Variants in IQCM observed in about 807,000 individuals in gnomAD.
The protein encoded by IQCM is IQ domain-containing protein M.
A neutral mutation model predicts 57.6 loss-of-function variants in IQCM; 45 were observed. The ratio of observed to expected loss-of-function variants is 0.78; its 90% CI spans 0.62 to 1.00. The LOEUF is 1.00. IQCM is among the 50% of genes least tolerant of loss of function. The pLI is 0.00. For synonymous variants in IQCM, 148 were observed against 158.9 expected (o/e 0.93, Z 0.51); for missense variants, 468 against 511.6 (o/e 0.91, Z 0.82).
intron 13 of IQCM, among the ~76,000 whole-genome samples, chr4:149,385,944 A>G (rs1378827655): frequency 6.6e-6 from 1 of 152,084 alleles, no homozygotes; most frequent in African/African-American, 2.4e-5. Flanking sequence ...CATTCCTTTC[A>G]TTCCCTTTCC....
At chr4:149,752,794 G>A (rs1193399848) in intron 2 of IQCM, among the ~76,000 whole-genome samples, 6 of 152,146 alleles carry the variant, frequency 3.9e-5, no homozygotes, top group Non-Finnish European at 8.8e-5. Flanking sequence ...GGGGATCACA[G>A]CGAGGCTCTG....
chr4:149,636,951 G>A (rs1757769777), intron 7 of IQCM, among the ~76,000 whole-genome samples: 1 of 151,488 alleles, frequency 6.6e-6, no homozygotes, highest in Admixed American at 6.6e-5. Flanking sequence ...AGACCATCCT[G>A]GCTAACAAGG....
At chr4:149,803,192 G>A (rs965651753) in intron 2 of IQCM, among the ~76,000 whole-genome samples, 1 of 151,746 alleles carries the variant, frequency 6.6e-6, no homozygotes, top group Admixed American at 6.6e-5. Context: ...GACATAGATC[G>A]TGTTCAAGAA....
intron 12 of IQCM, among the ~76,000 whole-genome samples, chr4:149,454,146 T>C (rs1486329348): frequency 2.0e-5 from 2 of 97,598 alleles, no homozygotes; most frequent in East Asian, 7.1e-4. Flanking sequence ...TAAGAAAATG[T>C]GATATATATA....
chr4:149,763,565 C>A lies in IQCM; in HGVS notation c.-48-20826G>T, dbSNP rs114642367. On this transcript the variant is annotated intron_variant, in intron 2 of 13. Coordinates refer to ENST00000636793, the MANE Select transcript of IQCM (RefSeq NM_001363507.2). Reference sequence around the variant, plus strand: ...AGCCCCCAGAGTATGACTGTTACTACGCTAAACCCTTTAATACATTATATT... The same window carrying A: ...AGCCCCCAGAGTATGACTGTTACTAAGCTAAACCCTTTAATACATTATATT... 9.8e-3 allele frequency among the ~76,000 whole-genome samples: 1,494 copies of A among 152,190 alleles called. 26 individuals carry two copies. The highest frequency in any genetic ancestry group is 0.035 in the African/African-American group (1,433 of 41,526).
At chr4:149,676,411 G>T (rs1200425110) in intron 7 of IQCM, among the ~76,000 whole-genome samples, 1 of 152,060 alleles carries the variant, frequency 6.6e-6, no homozygotes, top group Non-Finnish European at 1.5e-5. Context: ...AGTATATTAT[G>T]CATTAAAATT....
In IQCM at chr4:149,351,868, AC is replaced by A. The variant is rs1182753989; in HGVS notation, c.*82del. The A allele has an allele frequency of 2.5e-6, 1 of 397,390 alleles. No homozygotes were observed. The highest frequency in any genetic ancestry group is 4.4e-6 in the Non-Finnish European group (1 of 225,434). The allele number at this position is 397,390 out of a possible 1,614,324, so 24.6% of individuals were successfully genotyped here. On this transcript the variant is annotated 3_prime_UTR_variant, in exon 14 of 14. Transcript: ENST00000636793. ...ATTTTTATCCTTTCTTCCTACTCAT[AC>A]AGAATTGATCCACCTCCAGTGTTAA...
At chr4:149,729,762 T>G (rs1371232677) in intron 5 of IQCM, among the ~76,000 whole-genome samples, 1 of 152,158 alleles carries the variant, frequency 6.6e-6, no homozygotes. Flanking sequence ...TGGATTAGTC[T>G]CTCAATAATG....
intron 13 of IQCM, among the ~76,000 whole-genome samples, chr4:149,394,087 A>G (rs919194977): frequency 1.3e-5 from 2 of 152,004 alleles, no homozygotes; most frequent in African/African-American, 4.8e-5. Context: ...GTCCAATGCC[A>G]TACTTACTTC....
intron 12 of IQCM, among the ~76,000 whole-genome samples, chr4:149,485,500 ACT>A (rs200434260): frequency 1.3e-5 from 2 of 150,926 alleles, no homozygotes; most frequent in East Asian, 4.0e-4. Flanking sequence ...CTACTAAGAG[ACT>A]CTGATTCATT....
chr4:149,791,016 T>C (rs1772553843), intron 2 of IQCM, among the ~76,000 whole-genome samples: 2 of 152,270 alleles, frequency 1.3e-5, no homozygotes, highest in South Asian at 2.1e-4. Context: ...TATACTCATA[T>C]GTTGAGAAGC....
At chr4:149,667,431 C>T (rs1255274241) in intron 7 of IQCM, among the ~76,000 whole-genome samples, 3 of 152,170 alleles carry the variant, frequency 2.0e-5, no homozygotes, top group Admixed American at 2.0e-4. Flanking sequence ...TGAAGGTCAC[C>T]AACAGCAAAG....
At chr4:149,723,983 G>T (rs911075103) in intron 5 of IQCM, among the ~76,000 whole-genome samples, 2 of 151,338 alleles carry the variant, frequency 1.3e-5, no homozygotes, top group Admixed American at 1.3e-4. Flanking sequence ...CTTGTTACTG[G>T]TCTGTTCAGG....
intron 12 of IQCM, among the ~76,000 whole-genome samples, chr4:149,489,689 TA>T (rs2149771820): frequency 6.6e-6 from 1 of 151,934 alleles, no homozygotes; most frequent in African/African-American, 2.4e-5. Context: ...CTGAATGAAA[TA>T]CTGTTGTTTA....
At chr4:149,547,231 G>A (rs896502591) in intron 12 of IQCM, among the ~76,000 whole-genome samples, 1 of 152,082 alleles carries the variant, frequency 6.6e-6, no homozygotes, top group Non-Finnish European at 1.5e-5. Context: ...TAGCCTTGTA[G>A]CATAGTTTGA....
chr4:149,378,337 C>G (rs186868592), intron 13 of IQCM, among the ~76,000 whole-genome samples: 15 of 152,106 alleles, frequency 9.9e-5, no homozygotes, highest in Non-Finnish European at 2.1e-4. Flanking sequence ...TTGGAGGGCT[C>G]AGAAAAAGAT....
chr4:149,778,066 T>C (rs1771258555), intron 2 of IQCM, among the ~76,000 whole-genome samples: 2 of 152,166 alleles, frequency 1.3e-5, no homozygotes, highest in South Asian at 4.1e-4. Context: ...AGGGAAATTT[T>C]AAAAAACACA....
chr4:149,740,024 T>C (rs1257691430), intron 3 of IQCM, among the ~76,000 whole-genome samples: 1 of 152,172 alleles, frequency 6.6e-6, no homozygotes, highest in African/African-American at 2.4e-5. Flanking sequence ...TTAGAATTGT[T>C]GAGTAAGTAT....
intron 2 of IQCM, among the ~76,000 whole-genome samples, chr4:149,749,516 G>A (rs537913673): frequency 3.9e-5 from 6 of 152,068 alleles, no homozygotes; most frequent in Non-Finnish European, 8.8e-5. Context: ...CAGGATAATA[G>A]AGAACTGTGA....
Sources: gnomAD v4.1 joint callset for allele counts (sites outside exome capture counted in the v4.1 genomes callset) on GRCh38, gnomAD v4.1.1 for gene constraint, MANE v1.5 for transcripts, NCBI Gene and HGNC (gene_info 2026-07-23, HGNC 2026-07-21) for gene names.